The following SDK2 variants were observed in gnomAD, a reference collection of about 807,000 sequenced individuals.
SDK2 encodes the protein sidekick cell adhesion molecule 2, also known as protein sidekick-2.
A neutral mutation model predicts 253.9 loss-of-function variants in SDK2; 105 were observed. That is an observed-to-expected ratio of 0.41 (90% CI 0.35 to 0.49). The LOEUF (loss-of-function observed/expected upper bound fraction) is 0.49, where lower values mean the gene tolerates loss of function less well. SDK2 is among the 20% of genes least tolerant of loss of function. The probability of loss-of-function intolerance (pLI) is 0.06; values close to 1 mark genes in which losing one functional copy is unlikely to be tolerated. For missense variants in SDK2, 2,608 were observed against 3,003.0 expected, an observed-to-expected ratio of 0.87 and a Z score of 3.07; for synonymous variants, 1,249 against 1,234.9, an observed-to-expected ratio of 1.01 and a Z score of -0.24.
chr17:73,600,133 T>C (rs376412448), intron 1 of SDK2, among the ~76,000 whole-genome samples: 19 of 152,252 alleles, frequency 1.2e-4, no homozygotes, highest in African/African-American at 4.3e-4. Context: ...GGGGACCTGG[T>C]CCCAGGTGGC....
intron 10 of SDK2, among the ~76,000 whole-genome samples, chr17:73,432,862 GTGTGTGTGCATA>G (rs1250121821): frequency 6.7e-6 from 1 of 150,038 alleles, no homozygotes; most frequent in Admixed American, 6.6e-5. Flanking sequence ...GTGCACATGC[GTGTGTGTGCATA>G]TGTGTGTGTG....
chr17:73,439,990 A>G (rs2063401794), intron 6 of SDK2, among the ~76,000 whole-genome samples: 1 of 152,098 alleles, frequency 6.6e-6, no homozygotes, highest in African/African-American at 2.4e-5. Context: ...AGCCACACAT[A>G]ATGAGGCTCA....
At position 73,621,325 on chromosome 17, in the gene SDK2, C is replaced by A. The variant is rs2046130138; in HGVS notation, c.64+22700G>T. 5.3e-5 allele frequency among the ~76,000 whole-genome samples: 8 copies of A among 152,292 alleles called. No homozygotes were observed. The South Asian group carries it at 1.7e-3, about 32-fold the overall frequency. On this transcript the variant is annotated intron_variant, in intron 1 of 44. Coordinates refer to ENST00000392650, the MANE Select transcript of SDK2 (RefSeq NM_001144952.2). ...TTCCCCCTAAAACAAAAAGTAAAAT[C>A]AATACTTGTTGAAGAAATGTAATAG...
At chr17:73,555,820 C>CTTTTATG (rs1260199320) in intron 1 of SDK2, among the ~76,000 whole-genome samples, 1 of 152,160 alleles carries the variant, frequency 6.6e-6, no homozygotes, top group African/African-American at 2.4e-5. Flanking sequence ...AAAGCAAACA[C>CTTTTATG]GGGACTGAAA....
chr17:73,484,055 A>G (rs1473318844), intron 2 of SDK2, among the ~76,000 whole-genome samples: 4 of 152,062 alleles, frequency 2.6e-5, no homozygotes, highest in Non-Finnish European at 5.9e-5. Flanking sequence ...ATCTCCTCTC[A>G]CCTCGATTAC....
At chr17:73,535,714 G>T (rs2044761585) in intron 1 of SDK2, among the ~76,000 whole-genome samples, 1 of 152,202 alleles carries the variant, frequency 6.6e-6, no homozygotes, top group Non-Finnish European at 1.5e-5. Context: ...CACCGGCTCT[G>T]GCACACCATT....
chr17:73,415,777 C>T (rs1305554642), intron 17 of SDK2, 34 bp downstream of exon 17: 1 of 1,535,362 alleles, frequency 6.5e-7, no homozygotes, highest in East Asian at 2.5e-5. Context: ...GCATGAGCCA[C>T]CGCGCCTGGT....
At chr17:73,405,917 G>C (rs1021515053) in intron 18 of SDK2, among the ~76,000 whole-genome samples, 1 of 151,794 alleles carries the variant, frequency 6.6e-6, no homozygotes, top group Non-Finnish European at 1.5e-5. Context: ...TAGAAACGGG[G>C]TTTCACTGTG....
chr17:73,466,284 C>T (rs2063596626), intron 3 of SDK2, among the ~76,000 whole-genome samples: 1 of 152,180 alleles, frequency 6.6e-6, no homozygotes, highest in South Asian at 2.1e-4. Flanking sequence ...GTCTATTTCT[C>T]CCTGAGTGCC....
chr17:73,339,250 G>A (rs573641813), intron 44 of SDK2, among the ~76,000 whole-genome samples: 1 of 140,374 alleles, frequency 7.1e-6, no homozygotes, highest in African/African-American at 2.6e-5. Context: ...TTTTTTTTGA[G>A]ACAGAATCTC....
rs560050845 is a variant in SDK2 at position 73,455,575 on chromosome 17, G to A, written c.479+331C>T. On this transcript the variant is annotated intron_variant, in intron 4 of 44. Coordinates refer to ENST00000392650, the MANE Select transcript of SDK2 (RefSeq NM_001144952.2). The surrounding 1 kb of genome is among the most constrained non-coding windows in gnomAD (Gnocchi z 5.0). ...CCAGCGCCACTGGCCTGAGTCCTGG[G>A]CCTGTAACCACGGTGACAGCGCCTT... Among the ~76,000 whole-genome samples the A allele has an allele frequency of 6.6e-6, 1 of 152,178 alleles. No individual in the cohort carries two copies. The highest frequency in any genetic ancestry group is 3.2e-3 in the Middle Eastern group (1 of 316).
chr17:73,450,928 T>A (rs1377933023), intron 4 of SDK2, among the ~76,000 whole-genome samples: 1 of 152,220 alleles, frequency 6.6e-6, no homozygotes, highest in African/African-American at 2.4e-5. Context: ...TATATTAAGA[T>A]GGCAGAGATG....
At position 73,462,076 on chromosome 17, in the gene SDK2, C is replaced by T. The variant is rs889768701; in HGVS notation, c.332-6023G>A. Among the ~76,000 whole-genome samples the T allele has an allele frequency of 7.4e-5, 11 of 148,334 alleles. No individual in the cohort carries two copies. The East Asian group carries it at 1.2e-3, about 16-fold the overall frequency. ...TTGCTTATGTGCATATTTACATGCA[C>T]GTGTGCATGTATGGTGGGATGGATG... On this transcript the variant is annotated intron_variant, in intron 3 of 44. Coordinates refer to ENST00000392650, the MANE Select transcript of SDK2 (RefSeq NM_001144952.2).
rs374663885 is a variant in SDK2, at chr17:73,423,394, G to T, written c.1889C>A (p.Ser630Ter). Reference sequence around the variant, plus strand: ...GACCACGGGAAGCTTACTGTTCTCCGACATCTCCAGAATGTAGCGGATCAG... The same window carrying T: ...GACCACGGGAAGCTTACTGTTCTCCTACATCTCCAGAATGTAGCGGATCAG... ...SPLIRYILEM[S>*]ENNAPWTVLL... The change falls in exon 14 of 45, where the codon TCG (serine) becomes TAG (stop). Residue 630 changes from serine (S) to a stop codon, truncating the protein, a stop_gained. Coordinates refer to ENST00000392650, the MANE Select transcript of SDK2 (RefSeq NM_001144952.2). LOFTEE classifies it high-confidence loss of function. 1.3e-6 allele frequency: 2 copies of T among 1,486,170 alleles called. No individual in the cohort carries two copies. The highest frequency in any genetic ancestry group is 1.8e-6 in the Non-Finnish European group (2 of 1,109,774). The allele number at this position is 1,486,170 out of a possible 1,614,324, so 92.1% of individuals were successfully genotyped here.
rs1019129989 is a variant in SDK2, at chr17:73,361,558, A to C, written c.5467+126T>G. 11 of 932,634 alleles carry C rather than the reference A, an allele frequency of 1.2e-5. No individual in the cohort carries two copies. The African/African-American group carries it at 1.8e-4, about 15-fold the overall frequency. 57.8% of individuals were successfully genotyped at this position (932,634 alleles called of 1,614,324 possible). ...GGGAGGGGTCACTGGGCACCAGGGG[A>C]AAGAGTGAGCTCTGTCCTCCACTCT... On this transcript the variant is annotated intron_variant, in intron 39 of 44. Transcript: ENST00000392650. The surrounding 1 kb of genome is among the most constrained non-coding windows in gnomAD (Gnocchi z 4.1).
chr17:73,433,885 T>G, intron 9 of SDK2, 37 bp from the exon 10 acceptor site: 1 of 1,401,820 alleles, frequency 7.1e-7, no homozygotes, highest in East Asian at 2.6e-5. Flanking sequence ...AGCCACACCC[T>G]GGGAGATGTC....
intron 1 of SDK2, chr17:73,517,925 T>C (rs2145780210): frequency 6.6e-6 from 1 of 152,488 alleles, no homozygotes; most frequent in South Asian, 2.1e-4. Flanking sequence ...AAAGCTCAAA[T>C]GCCATGCCCT....
rs1226812496 is a variant in SDK2 at position 73,379,656 on chromosome 17, G to T, written c.4763-107C>A. 1 of 665,920 alleles carries T rather than the reference G, an allele frequency of 1.5e-6. No homozygotes were observed. Among genetic ancestry groups the T allele is most frequent in the Non-Finnish European group, 2.6e-6 (1 of 379,490 alleles). 41.3% of individuals were successfully genotyped at this position (665,920 alleles called of 1,614,324 possible). ...GCAGGGGGAGGAATGAGGCACCCCC[G>T]CCATTCTAGCCCCCTCTGTGAAGGT... On this transcript the variant is annotated intron_variant, in intron 34 of 44. Transcript: ENST00000392650. This position sits in a 1 kb window ranked among gnomAD's most constrained non-coding sequence, Gnocchi z 4.5.
At chr17:73,358,822 G>C (rs2062615746) in intron 39 of SDK2, among the ~76,000 whole-genome samples, 1 of 152,102 alleles carries the variant, frequency 6.6e-6, no homozygotes, top group Non-Finnish European at 1.5e-5. Context: ...GAGGCCTTGG[G>C]GCCTGTGCTG....
Sources: gnomAD v4.1 joint callset for allele counts (sites outside exome capture counted in the v4.1 genomes callset) on GRCh38, gnomAD v4.1.1 for gene constraint, Gnocchi (gnomAD v3.1) non-coding constraint, MANE v1.5 for transcripts, NCBI Gene and HGNC (gene_info 2026-07-23, HGNC 2026-07-21) for gene names.